RIN2: variants seen among roughly 807,000 people sequenced by gnomAD.
RIN2 encodes the protein RAB5 interacting protein 2.
In RIN2, 36 loss-of-function variants were observed where a neutral mutation model predicts 78.0. That is an observed-to-expected ratio of 0.46 (90% CI 0.35 to 0.61). The LOEUF is 0.61. Among genes scored for constraint, RIN2 ranks in the 20% least tolerant of loss-of-function variants. RIN2 has a pLI of 0.00. For missense variants in RIN2, 1,087 were observed against 1,159.7 expected (o/e 0.94, Z 0.91); for synonymous variants, 466 against 466.8 (o/e 1.00, Z 0.02).
chr20:19,897,192 G>A (rs1415679572), intron 3 of RIN2, among the ~76,000 whole-genome samples: 1 of 152,056 alleles, frequency 6.6e-6, no homozygotes, highest in Non-Finnish European at 1.5e-5. Context: ...TGCAACCTCC[G>A]CCTTCTGAGT....
chr20:19,869,792 TTTTATTTATTTATTTATTTA>T (rs71198030), intron 2 of RIN2, among the ~76,000 whole-genome samples: 5 of 136,426 alleles, frequency 3.7e-5, no homozygotes, highest in Non-Finnish European at 7.8e-5. Context: ...GCCTGGCTAA[TTTTATTTATTTATTTATTTA>T]TTTATTTATT....
intron 1 of RIN2, among the ~76,000 whole-genome samples, chr20:19,767,372 T>C (rs1396554528): frequency 6.6e-6 from 1 of 152,210 alleles, no homozygotes; most frequent in Non-Finnish European, 1.5e-5. Flanking sequence ...AGTTTCTTTA[T>C]GGCCAGTTTT....
At chr20:19,936,101 G>A (rs1320321704) in intron 4 of RIN2, among the ~76,000 whole-genome samples, 1 of 152,226 alleles carries the variant, frequency 6.6e-6, no homozygotes, top group Non-Finnish European at 1.5e-5. Flanking sequence ...ACGCTGACGG[G>A]AGAGAGCAAC....
Position 19,974,942 on chromosome 20 carries a change from C to T in RIN2, c.917C>T (p.Ser306Phe), listed in dbSNP as rs376152465. ...PNANGTERTR[S>F]PPPRPPPPAI... ...GCGAATGGCACGGAGCGGACTCGGTCCCCCCCACCCAGGCCCCCGCCACCC... is the reference window on the plus strand; with the variant it reads ...GCGAATGGCACGGAGCGGACTCGGTTCCCCCCACCCAGGCCCCCGCCACCC... Residue 306 changes from serine to phenylalanine, a missense_variant, in exon 9 of 13, where the codon TCC (serine) becomes TTC (phenylalanine). Around this residue, in one of 8 missense-constraint regions of RIN2, gnomAD observed 706 missense variants for 667.5 expected, o/e 1.06. Coordinates refer to ENST00000255006, the MANE Select transcript of RIN2 (RefSeq NM_018993.4). 4 of 951,228 alleles carry T rather than the reference C, an allele frequency of 4.2e-6. No homozygotes were observed. The highest frequency in any genetic ancestry group is 6.3e-6 in the Non-Finnish European group (4 of 635,554). 58.9% of individuals were successfully genotyped at this position (951,228 alleles called of 1,614,324 possible).
chr20:19,982,428 C>T (rs1039395725), intron 9 of RIN2, among the ~76,000 whole-genome samples: 7 of 152,094 alleles, frequency 4.6e-5, no homozygotes, highest in African/African-American at 1.4e-4. Flanking sequence ...GCTGTCATGG[C>T]GGCCCTGGTG....
chr20:19,953,757 G>C (rs1022131375), intron 4 of RIN2, among the ~76,000 whole-genome samples: 2 of 152,190 alleles, frequency 1.3e-5, no homozygotes, highest in African/African-American at 2.4e-5. Flanking sequence ...TCAGCAGCCA[G>C]GGTTGAGAAT....
intron 7 of RIN2, among the ~76,000 whole-genome samples, chr20:19,966,230 T>C (rs975491068): frequency 6.6e-6 from 1 of 152,112 alleles, no homozygotes; most frequent in Admixed American, 6.6e-5. Flanking sequence ...TTATTTGAGT[T>C]TGGCTCGGTT....
intron 2 of RIN2, among the ~76,000 whole-genome samples, chr20:19,835,780 G>A (rs899820205): frequency 2.6e-5 from 4 of 152,124 alleles, no homozygotes; most frequent in African/African-American, 4.8e-5. Flanking sequence ...CAAGCACTCC[G>A]TTTAGTGAAC....
At position 19,996,695 on chromosome 20, in the gene RIN2, A is replaced by C. The variant is rs1019058240; in HGVS notation, c.2217A>C (p.Thr739=). The C allele has an allele frequency of 4.3e-6, 7 of 1,614,056 alleles. No individual in the cohort carries two copies. Among genetic ancestry groups the C allele is most frequent in the Non-Finnish European group, 5.9e-6 (7 of 1,179,896 alleles). The change falls in exon 12 of 13, where the codon ACA becomes ACC. Residue 739 remains threonine (T), a synonymous_variant. Coordinates refer to ENST00000255006, the MANE Select transcript of RIN2 (RefSeq NM_018993.4). Reference sequence around the variant, plus strand: ...TCTTTTCAGGAGGCTATTACTTGACAAGCGCATATGGAGCACTTTCTCTGA... The same window carrying C: ...TCTTTTCAGGAGGCTATTACTTGACCAGCGCATATGGAGCACTTTCTCTGA... The part of the protein sequence containing the change: ...LLHGEGGYYL[T]SAYGALSLIK...
chr20:19,865,612 CA>C (rs2037482702), intron 2 of RIN2, among the ~76,000 whole-genome samples: 1 of 151,530 alleles, frequency 6.6e-6, no homozygotes, highest in South Asian at 2.1e-4. Flanking sequence ...CTCAGCCTCT[CA>C]AAAAGCTAAA....
rs367808267 is a variant in RIN2 at position 19,932,889 on chromosome 20, A to G, written c.58-2210A>G. Among the ~76,000 whole-genome samples the G allele has an allele frequency of 1.5e-3, 224 of 152,224 alleles. 2 individuals carry two copies. The Middle Eastern group carries it at 0.017, about 12-fold the overall frequency. On this transcript the variant is annotated intron_variant, in intron 3 of 12. Coordinates refer to ENST00000255006, the MANE Select transcript of RIN2 (RefSeq NM_018993.4). Reference sequence around the variant, plus strand: ...TCCCCCTCAAGTCTAATTCTTCCCCATTGCTCCCATCTCAGTCAAGGGCAA... The same window carrying G: ...TCCCCCTCAAGTCTAATTCTTCCCCGTTGCTCCCATCTCAGTCAAGGGCAA...
intron 3 of RIN2, among the ~76,000 whole-genome samples, chr20:19,892,319 C>T (rs909485860): frequency 4.6e-5 from 7 of 152,116 alleles, no homozygotes; most frequent in Non-Finnish European, 1.0e-4. Flanking sequence ...CGGGTTCAAG[C>T]GATTCTCTGC....
At chr20:19,801,523 A>G (rs561068349) in intron 2 of RIN2, among the ~76,000 whole-genome samples, 7 of 151,860 alleles carry the variant, frequency 4.6e-5, no homozygotes, top group East Asian at 1.9e-4. Flanking sequence ...GGGTTTCACT[A>G]TGTTAGCCAG....
Position 19,913,377 on chromosome 20 carries a change from G to A in RIN2, c.58-21722G>A, listed in dbSNP as rs114535932. On this transcript the variant is annotated intron_variant, in intron 3 of 12. Coordinates refer to ENST00000255006, the MANE Select transcript of RIN2 (RefSeq NM_018993.4). ...TGCCCAGGCTGTTCTCAAACTCCTA[G>A]GCTCAAGCCATCTTCCTGCCTTGAC... is the stretch of plus-strand genomic sequence containing the variant. Among the ~76,000 whole-genome samples, 583 of 152,166 alleles carry A rather than the reference G, an allele frequency of 3.8e-3. 6 individuals carry two copies. The highest frequency in any genetic ancestry group is 0.013 in the African/African-American group (558 of 41,518).
intron 4 of RIN2, among the ~76,000 whole-genome samples, chr20:19,953,025 G>T (rs935239890): frequency 2.0e-5 from 3 of 152,180 alleles, no homozygotes; most frequent in Non-Finnish European, 4.4e-5. Context: ...CTGAAACCAG[G>T]AATCTGTGGC....
intron 9 of RIN2, among the ~76,000 whole-genome samples, chr20:19,976,400 G>A (rs6515053): frequency 0.016 from 2,421 of 152,288 alleles, 70 homozygotes; most frequent in African/African-American, 0.055. Flanking sequence ...TCTGTAAGCA[G>A]CACGGCTTGG....
intron 11 of RIN2, among the ~76,000 whole-genome samples, 182 bp from the exon 12 acceptor site, chr20:19,996,497 G>A (rs1360679962): frequency 6.6e-6 from 1 of 152,214 alleles, no homozygotes; most frequent in Non-Finnish European, 1.5e-5. Context: ...ATGGCTGTGT[G>A]AAGGGATGGA....
chr20:19,762,939 A>G (rs1412523661), intron 1 of RIN2, among the ~76,000 whole-genome samples: 1 of 151,832 alleles, frequency 6.6e-6, no homozygotes, highest in East Asian at 2.0e-4. Context: ...AATTTTTTGT[A>G]TTTTTAGTAG....
chr20:19,820,253 G>A (rs1203196695), intron 2 of RIN2, among the ~76,000 whole-genome samples: 1 of 152,118 alleles, frequency 6.6e-6, no homozygotes, highest in East Asian at 1.9e-4. Flanking sequence ...TTTGAAAGGT[G>A]AAACCAGAAA....
Sources: gnomAD v4.1 joint callset for allele counts (sites outside exome capture counted in the v4.1 genomes callset) on GRCh38, gnomAD v4.1.1 for gene constraint, gnomAD v4.1.1 regional missense constraint, MANE v1.5 for transcripts, NCBI Gene and HGNC (gene_info 2026-07-23, HGNC 2026-07-21) for gene names.